Variants in ADAMTSL1 observed in about 807,000 individuals in gnomAD.
ADAMTSL1 encodes ADAMTS-like protein 1.
Under a neutral mutation model 201.8 loss-of-function variants are expected in ADAMTSL1, and 126 were observed. The ratio of observed to expected loss-of-function variants is 0.62; its 90% CI spans 0.54 to 0.72. ADAMTSL1 has a LOEUF of 0.72. ADAMTSL1 is among the 30% of genes least tolerant of loss of function. The probability of loss-of-function intolerance (pLI) is 0.00; values close to 1 mark genes in which losing one functional copy is unlikely to be tolerated. For synonymous variants in ADAMTSL1, 1,121 were observed against 903.4 expected, an observed-to-expected ratio of 1.24 and a Z score of -4.32; for missense variants, 2,679 against 2,277.8, an observed-to-expected ratio of 1.18 and a Z score of -3.59.
intron 14 of ADAMTSL1, among the ~76,000 whole-genome samples, chr9:18,711,004 T>A (rs1052531570): frequency 6.6e-6 from 1 of 152,068 alleles, no homozygotes. Flanking sequence ...CAGGCAAAAA[T>A]ACTAAACCTG....
At chr9:18,499,416 A>G (rs1003447058) in intron 1 of ADAMTSL1, among the ~76,000 whole-genome samples, 2 of 152,246 alleles carry the variant, frequency 1.3e-5, no homozygotes, top group African/African-American at 4.8e-5. Flanking sequence ...AAGTTGTTAA[A>G]GAAGCCAAGG....
chr9:18,022,800 A>G (rs979999469), intron 1 of ADAMTSL1, among the ~76,000 whole-genome samples: 1 of 152,142 alleles, frequency 6.6e-6, no homozygotes, highest in Admixed American at 6.6e-5. Context: ...CTCCTCTATT[A>G]CTATTTACTC....
chr9:18,778,654 G>C (rs1821207076), intron 19 of ADAMTSL1, among the ~76,000 whole-genome samples: 1 of 152,120 alleles, frequency 6.6e-6, no homozygotes, highest in South Asian at 2.1e-4. Context: ...CAATGAAGAT[G>C]GTTGTCATTA....
At chr9:18,773,560 GGTTTAA>G (rs1169550256) in intron 17 of ADAMTSL1, among the ~76,000 whole-genome samples, 2 of 152,130 alleles carry the variant, frequency 1.3e-5, no homozygotes, top group African/African-American at 4.8e-5. Flanking sequence ...GAGCTGTTTT[GGTTTAA>G]GTTTGAGTAG....
chr9:18,490,007 A>T lies in ADAMTSL1; in HGVS notation c.64-14822A>T, dbSNP rs146609830. On this transcript the variant is annotated intron_variant, in intron 1 of 28. Coordinates refer to ENST00000380548, the MANE Select transcript of ADAMTSL1 (RefSeq NM_001040272.6). ...CTTTGAAAACTGTAAAACCTTAGTCATCTCGTGCTCAAAAGCCTTCACTGT... is the reference window on the plus strand; with the variant it reads ...CTTTGAAAACTGTAAAACCTTAGTCTTCTCGTGCTCAAAAGCCTTCACTGT... Among the ~76,000 whole-genome samples the T allele has an allele frequency of 1.9e-4, 29 of 152,320 alleles. No homozygotes were observed. In the East Asian group the frequency reaches 3.9e-3, roughly 20 times the overall value.
At chr9:18,728,577 A>G (rs1049145013) in intron 15 of ADAMTSL1, among the ~76,000 whole-genome samples, 6 of 152,188 alleles carry the variant, frequency 3.9e-5, no homozygotes, top group Non-Finnish European at 8.8e-5. Context: ...TTAATAGATG[A>G]AGAAGATTTA....
chr9:18,435,304 T>C (rs555517194), intron 2 of ADAMTSL1, among the ~76,000 whole-genome samples: 1 of 152,328 alleles, frequency 6.6e-6, no homozygotes, highest in South Asian at 2.1e-4. Flanking sequence ...GAGAAAACCT[T>C]AAGGTAGACT....
At chr9:18,077,547 A>G (rs1053374372) in intron 1 of ADAMTSL1, among the ~76,000 whole-genome samples, 2 of 152,208 alleles carry the variant, frequency 1.3e-5, no homozygotes, top group Admixed American at 1.3e-4. Flanking sequence ...ATTTAACAAG[A>G]TAAGTTATCG....
rs1034627618 is a variant in ADAMTSL1, at chr9:18,879,316, T to C, written c.4250-8515T>C. 2.0e-5 allele frequency among the ~76,000 whole-genome samples: 3 copies of C among 152,224 alleles called. 1 individual carries two copies. In the South Asian group the frequency reaches 6.2e-4, roughly 32 times the overall value. ...GAAAACTGAGACCAGAGAACCCTAC[T>C]GAAACCTAGAGTTCTCCTTCAGAGT... On this transcript the variant is annotated intron_variant, in intron 23 of 28. Coordinates refer to ENST00000380548, the MANE Select transcript of ADAMTSL1 (RefSeq NM_001040272.6).
At chr9:18,374,623 C>T (rs1306849731) in intron 2 of ADAMTSL1, among the ~76,000 whole-genome samples, 1 of 152,158 alleles carries the variant, frequency 6.6e-6, no homozygotes, top group Non-Finnish European at 1.5e-5. Flanking sequence ...CATGAGTTAC[C>T]ACGCTTGGCC....
At position 18,622,381 on chromosome 9, in the gene ADAMTSL1, A is replaced by C. The variant is rs780949298; in HGVS notation, c.601+12A>C. The C allele has an allele frequency of 1.9e-6, 3 of 1,614,034 alleles. No individual in the cohort carries two copies. In the East Asian group the frequency reaches 6.7e-5, roughly 36 times the overall value. The stretch of plus-strand genomic sequence containing the variant: ...CTCCGCAACCAAATGTAAGACACAC[A>C]GAGATGGGCGACCTTTGGACTTGTT... On this transcript the variant is annotated intron_variant, in intron 5 of 28. Transcript: ENST00000380548.
chr9:18,848,093 CAT>C (rs1168428717), intron 23 of ADAMTSL1, among the ~76,000 whole-genome samples: 3 of 152,192 alleles, frequency 2.0e-5, no homozygotes, highest in Non-Finnish European at 4.4e-5. Context: ...ATTTGGCTCA[CAT>C]GTGCTGGGCA....
At chr9:18,549,834 G>T (rs10756970) in intron 3 of ADAMTSL1, among the ~76,000 whole-genome samples, 39,625 of 151,790 alleles carry the variant, frequency 0.26, 5,638 homozygotes, top group East Asian at 0.6. Context: ...TTCTCAAAAA[G>T]TAATCTGGGG....
At chr9:18,042,554 A>G (rs1276241852) in intron 1 of ADAMTSL1, among the ~76,000 whole-genome samples, 1 of 152,148 alleles carries the variant, frequency 6.6e-6, no homozygotes, top group African/African-American at 2.4e-5. Context: ...GCTCGATAAC[A>G]AAGCTCACTT....
chr9:18,422,845 C>G (rs1004601018), intron 2 of ADAMTSL1, among the ~76,000 whole-genome samples: 5 of 152,212 alleles, frequency 3.3e-5, no homozygotes, highest in Non-Finnish European at 7.3e-5. Context: ...TAACCAACAG[C>G]TCCCTGTGGA....
chr9:18,112,698 C>T (rs1487554684), intron 1 of ADAMTSL1, among the ~76,000 whole-genome samples: 2 of 152,120 alleles, frequency 1.3e-5, no homozygotes, highest in Non-Finnish European at 2.9e-5. Context: ...TTGCACAATA[C>T]ACAGCAGTTA....
At chr9:18,012,506 G>A (rs903915926) in intron 1 of ADAMTSL1, among the ~76,000 whole-genome samples, 1 of 152,028 alleles carries the variant, frequency 6.6e-6, no homozygotes, top group South Asian at 2.1e-4. Context: ...CCCATTTTCC[G>A]GGGCTGGGCT....
intron 19 of ADAMTSL1, among the ~76,000 whole-genome samples, chr9:18,788,731 C>A (rs1261130429): frequency 1.3e-5 from 2 of 152,158 alleles, no homozygotes; most frequent in African/African-American, 4.8e-5. Flanking sequence ...AAAGACTTCA[C>A]CATCTGGTCC....
intron 7 of ADAMTSL1, among the ~76,000 whole-genome samples, chr9:18,649,775 G>T (rs79910528): frequency 6.6e-6 from 1 of 151,990 alleles, no homozygotes; most frequent in Non-Finnish European, 1.5e-5. Context: ...GTACCCCGCC[G>T]TGTGAGGTGT....
Sources: allele counts gnomAD v4.1 joint callset (sites outside exome capture counted in the v4.1 genomes callset), GRCh38; gene constraint gnomAD v4.1.1; transcripts MANE v1.5; gene names NCBI Gene and HGNC (gene_info 2026-07-23, HGNC 2026-07-21).